Variants in ATP9B observed in about 807,000 individuals in gnomAD.
ATP9B encodes probable phospholipid-transporting ATPase IIB.
Under a neutral mutation model 146.1 loss-of-function variants are expected in ATP9B, and 110 were observed. That is an observed-to-expected ratio of 0.75 (90% confidence interval 0.65 to 0.88). The LOEUF (loss-of-function observed/expected upper bound fraction) is 0.88, where lower values mean the gene tolerates loss of function less well. Among genes scored for constraint, ATP9B ranks in the 40% least tolerant of loss-of-function variants. ATP9B has a pLI of 0.00. For missense variants in ATP9B, 1,499 were observed against 1,496.4 expected (o/e 1.00, Z -0.03); for synonymous variants, 604 against 569.7 (o/e 1.06, Z -0.86).
At chr18:79,366,333 C>T (rs767192809) in intron 26 of ATP9B, among the ~76,000 whole-genome samples, 3 of 152,198 alleles carry the variant, frequency 2.0e-5, no homozygotes, top group Non-Finnish European at 2.9e-5. Flanking sequence ...GACAGCGGCC[C>T]ATGAACCGCA....
intron 9 of ATP9B, among the ~76,000 whole-genome samples, chr18:79,201,512 T>G (rs560640213): frequency 2.0e-5 from 3 of 152,206 alleles, no homozygotes; most frequent in South Asian, 4.2e-4. Flanking sequence ...TTTGGGAGGC[T>G]GAGGTGGGAG....
At chr18:79,280,335 T>TA (rs1263074239) in intron 13 of ATP9B, among the ~76,000 whole-genome samples, 1 of 151,942 alleles carries the variant, frequency 6.6e-6, no homozygotes, top group Non-Finnish European at 1.5e-5. Flanking sequence ...AAAGAAACAT[T>TA]AAAAAAAGCA....
intron 7 of ATP9B, 66 bp from the exon 8 acceptor site, chr18:79,176,747 C>T: frequency 1.5e-6 from 2 of 1,330,312 alleles, no homozygotes; most frequent in South Asian, 1.2e-5. Context: ...TTGATGGCAC[C>T]TGTAGCTCAG....
At chr18:79,312,324 A>G (rs1219133757) in intron 15 of ATP9B, among the ~76,000 whole-genome samples, 1 of 152,078 alleles carries the variant, frequency 6.6e-6, no homozygotes, top group Non-Finnish European at 1.5e-5. Context: ...TTCTGTAGTC[A>G]CTCCGTTACT....
intron 8 of ATP9B, among the ~76,000 whole-genome samples, chr18:79,187,671 C>G (rs191228168): frequency 1.7e-3 from 264 of 152,272 alleles, no homozygotes; most frequent in Non-Finnish European, 2.9e-3. Context: ...CAAAACCATT[C>G]CAGCAGTTCT....
chr18:79,088,536 C>T (rs1599438038), intron 1 of ATP9B, among the ~76,000 whole-genome samples: 3 of 152,008 alleles, frequency 2.0e-5, no homozygotes, highest in Admixed American at 6.5e-5. Flanking sequence ...GTGATGCTGT[C>T]GATAGTGGTT....
At chr18:79,246,284 ACTGTCTGTGCGGAGGGCACCG>A in intron 11 of ATP9B, among the ~76,000 whole-genome samples, 1 of 75,546 alleles carries the variant, frequency 1.3e-5, no homozygotes. Context: ...GCACCGCCCT[ACTGTCTGTGCGGAGGGCACCG>A]CCCTACTGAC....
At chr18:79,120,391 T>C (rs1011179913) in intron 4 of ATP9B, among the ~76,000 whole-genome samples, 1 of 152,360 alleles carries the variant, frequency 6.6e-6, no homozygotes, top group East Asian at 1.9e-4. Flanking sequence ...ACTCCCTCTG[T>C]TCTCTAATTA....
intron 12 of ATP9B, among the ~76,000 whole-genome samples, chr18:79,271,584 C>T (rs1359354955): frequency 1.4e-4 from 21 of 145,048 alleles, no homozygotes; most frequent in African/African-American, 2.5e-4. Flanking sequence ...TTTTTTATGG[C>T]TGCATAGTAT....
Position 79,271,688 on chromosome 18 carries a change from G to A in ATP9B, c.1269-5366G>A, listed in dbSNP as rs552398618. 5.3e-5 allele frequency among the ~76,000 whole-genome samples: 8 copies of A among 150,998 alleles called. 1 individual carries two copies. The South Asian group carries it at 1.5e-3, about 28-fold the overall frequency. ...AGTCTTTGCTATTGTGAATAGTGCC[G>A]CAATAAACATACGTGTGCATTTGTC... On this transcript the variant is annotated intron_variant, in intron 12 of 29. Transcript: ENST00000426216.
At chr18:79,192,364 C>T (rs1050854953) in intron 8 of ATP9B, among the ~76,000 whole-genome samples, 1 of 152,076 alleles carries the variant, frequency 6.6e-6, no homozygotes, top group Admixed American at 6.6e-5. Context: ...CACAAGACCA[C>T]CCGAAATTAG....
chr18:79,234,112 A>G (rs1270596234), intron 11 of ATP9B, among the ~76,000 whole-genome samples: 2 of 152,128 alleles, frequency 1.3e-5, no homozygotes, highest in African/African-American at 4.8e-5. Flanking sequence ...TGGATACATC[A>G]ATCTTGGAAC....
intron 5 of ATP9B, among the ~76,000 whole-genome samples, chr18:79,143,287 A>C (rs2094536213): frequency 6.6e-6 from 1 of 152,238 alleles, no homozygotes; most frequent in Non-Finnish European, 1.5e-5. Context: ...ACATAGAGAA[A>C]TCACTTTTAG....
intron 8 of ATP9B, among the ~76,000 whole-genome samples, chr18:79,180,881 C>T (rs1276180572): frequency 6.6e-6 from 1 of 152,048 alleles, no homozygotes; most frequent in East Asian, 1.9e-4. Flanking sequence ...CAGTCTCCAC[C>T]TCCTGGGTTT....
intron 13 of ATP9B, among the ~76,000 whole-genome samples, chr18:79,293,318 T>C (rs764221765): frequency 1.3e-5 from 2 of 152,082 alleles, no homozygotes; most frequent in Non-Finnish European, 2.9e-5. Flanking sequence ...AAAACTCTTA[T>C]TGAAATGTCA....
intron 1 of ATP9B, among the ~76,000 whole-genome samples, chr18:79,083,171 T>A (rs183884568): frequency 6.6e-6 from 1 of 152,310 alleles, no homozygotes; most frequent in East Asian, 1.9e-4. Flanking sequence ...GGGCTCTGCC[T>A]AGGTCAGACT....
chr18:79,279,940 C>T (rs1475504656), intron 13 of ATP9B, among the ~76,000 whole-genome samples: 4 of 152,192 alleles, frequency 2.6e-5, no homozygotes, highest in Non-Finnish European at 5.9e-5. Flanking sequence ...GTTGAATATG[C>T]ACGTGTTCTA....
Position 79,128,894 on chromosome 18 carries a change from T to C in ATP9B, c.667+2519T>C, listed in dbSNP as rs149005576. ...TTGCTGCATCCAGAGAAAGTCAACC[T>C]AGAAACAGTTGGAAAGCTTTTTCCC... On this transcript the variant is annotated intron_variant, in intron 5 of 29. Transcript: ENST00000426216. Among the ~76,000 whole-genome samples the C allele has an allele frequency of 4.8e-3, 736 of 152,286 alleles. 5 individuals carry two copies. The highest frequency in any genetic ancestry group is 0.025 in the South Asian group (119 of 4,828).
At chr18:79,317,716 A>G (rs1319141842) in intron 15 of ATP9B, among the ~76,000 whole-genome samples, 1 of 152,248 alleles carries the variant, frequency 6.6e-6, no homozygotes, top group East Asian at 1.9e-4. Context: ...TTATGCTGGC[A>G]GCAGTGGGAT....
Sources: gnomAD v4.1 joint callset for allele counts (sites outside exome capture counted in the v4.1 genomes callset) on GRCh38, gnomAD v4.1.1 for gene constraint, MANE v1.5 for transcripts, NCBI Gene and HGNC (gene_info 2026-07-23, HGNC 2026-07-21) for gene names.